The following LRRTM4 variants were observed in gnomAD, a reference collection of about 807,000 sequenced individuals.
LRRTM4 encodes the protein leucine-rich repeat transmembrane neuronal protein 4.
LRRTM4 carries 25 observed loss-of-function variants against 47.6 expected under a neutral mutation model. That is an observed-to-expected ratio of 0.53 (90% CI 0.38 to 0.73). The LOEUF (loss-of-function observed/expected upper bound fraction) is 0.73. Among genes scored for constraint, LRRTM4 ranks in the 30% least tolerant of loss-of-function variants. The probability of loss-of-function intolerance (pLI) is 0.00; values close to 1 mark genes in which losing one functional copy is unlikely to be tolerated. For missense variants in LRRTM4, 638 were observed against 713.4 expected (o/e 0.89, Z 1.20); for synonymous variants, 311 against 269.5 (o/e 1.15, Z -1.51).
At chr2:76,975,628 G>T (rs1021085527) in intron 3 of LRRTM4, among the ~76,000 whole-genome samples, 1 of 151,574 alleles carries the variant, frequency 6.6e-6, no homozygotes, top group Non-Finnish European at 1.5e-5. Context: ...CCAGAAGATG[G>T]TCATGAAGCC....
At chr2:76,801,520 G>A (rs1389777747) in intron 3 of LRRTM4, among the ~76,000 whole-genome samples, 1 of 152,068 alleles carries the variant, frequency 6.6e-6, no homozygotes, top group Admixed American at 6.6e-5. Flanking sequence ...GTTGTGGTGT[G>A]GGGGGAGGGG....
intron 3 of LRRTM4, among the ~76,000 whole-genome samples, chr2:77,184,830 C>T (rs1673454237): frequency 6.6e-6 from 1 of 152,080 alleles, no homozygotes; most frequent in Admixed American, 6.6e-5. Flanking sequence ...CAGAAAGATA[C>T]TCTGGTATCT....
chr2:76,995,756 A>T (rs1222289464), intron 3 of LRRTM4, among the ~76,000 whole-genome samples: 3 of 152,014 alleles, frequency 2.0e-5, no homozygotes, highest in Non-Finnish European at 4.4e-5. Context: ...GAACTCTGTA[A>T]CTCCAATATA....
chr2:77,466,395 A>G (rs929343862), intron 3 of LRRTM4, among the ~76,000 whole-genome samples: 1 of 152,206 alleles, frequency 6.6e-6, no homozygotes, highest in African/African-American at 2.4e-5. Flanking sequence ...CAAGTTTTAC[A>G]GTTTCAAACG....
Position 77,107,366 on chromosome 2 carries a change from G to A in LRRTM4, c.1552-358450C>T, listed in dbSNP as rs563781230. Reference sequence around the variant, plus strand: ...GTTAAAAATAAATACTTAGGAGAACGTCAGAGAATCTTTTATATGGTAAAA... The same window carrying A: ...GTTAAAAATAAATACTTAGGAGAACATCAGAGAATCTTTTATATGGTAAAA... On this transcript the variant is annotated intron_variant, in intron 3 of 3. Coordinates refer to ENST00000409884, the MANE Select transcript of LRRTM4 (RefSeq NM_001134745.3). Among the ~76,000 whole-genome samples, 52 of 152,238 alleles carry A rather than the reference G, an allele frequency of 3.4e-4. No homozygotes were observed. The South Asian group carries it at 8.7e-3, about 25-fold the overall frequency.
At chr2:76,987,032 T>C (rs1272041695) in intron 3 of LRRTM4, among the ~76,000 whole-genome samples, 1 of 151,972 alleles carries the variant, frequency 6.6e-6, no homozygotes, top group Non-Finnish European at 1.5e-5. Flanking sequence ...TTCTTTTATT[T>C]ATTTTTTAGA....
chr2:76,968,540 A>C (rs1207471419), intron 3 of LRRTM4, among the ~76,000 whole-genome samples: 2 of 151,158 alleles, frequency 1.3e-5, no homozygotes, highest in Non-Finnish European at 3.0e-5. Context: ...TATCTCTTCA[A>C]CAGCTAGGCT....
chr2:77,521,973 C>T (rs1476115446), intron 1 of LRRTM4, 136 bp downstream of exon 1: 1 of 645,296 alleles, frequency 1.5e-6, no homozygotes, highest in Non-Finnish European at 2.8e-6. Flanking sequence ...GGCCTCTAGG[C>T]TCTGAGGACC....
At chr2:77,308,919 CAACAAA>C (rs919168859) in intron 3 of LRRTM4, among the ~76,000 whole-genome samples, 6 of 151,950 alleles carry the variant, frequency 3.9e-5, no homozygotes, top group Middle Eastern at 3.4e-3. Context: ...ACTCAAGAAA[CAACAAA>C]AACAAAAACA....
At chr2:77,041,015 G>A (rs1679011438) in intron 3 of LRRTM4, among the ~76,000 whole-genome samples, 1 of 151,168 alleles carries the variant, frequency 6.6e-6, no homozygotes, top group South Asian at 2.1e-4. Flanking sequence ...CAGAACAACA[G>A]AACTTCTTTC....
chr2:77,506,190 G>T (rs939249385), intron 3 of LRRTM4, among the ~76,000 whole-genome samples: 1 of 151,506 alleles, frequency 6.6e-6, no homozygotes, highest in African/African-American at 2.4e-5. Context: ...AGAATTTTAC[G>T]TTAGTATTAA....
chr2:77,051,949 C>T (rs866133227), intron 3 of LRRTM4, among the ~76,000 whole-genome samples: 1 of 152,002 alleles, frequency 6.6e-6, no homozygotes. Flanking sequence ...GTCTTAAATG[C>T]TTTCATTTCC....
chr2:77,019,264 A>G (rs1448056995), intron 3 of LRRTM4, among the ~76,000 whole-genome samples: 4 of 151,010 alleles, frequency 2.6e-5, no homozygotes, highest in Admixed American at 2.0e-4. Flanking sequence ...AAAAAAAAAA[A>G]AAAAAAAAAA....
At chr2:76,923,949 T>C (rs191027931) in intron 3 of LRRTM4, among the ~76,000 whole-genome samples, 20 of 152,228 alleles carry the variant, frequency 1.3e-4, no homozygotes, top group Middle Eastern at 6.8e-3. Flanking sequence ...GCATCCTCAA[T>C]ATTACTGTGG....
chr2:76,816,580 A>C (rs1001422444), intron 3 of LRRTM4, among the ~76,000 whole-genome samples: 3 of 150,580 alleles, frequency 2.0e-5, no homozygotes, highest in African/African-American at 7.3e-5. Context: ...TTTTTTTTGG[A>C]ATCTGTATTT....
chr2:77,140,971 A>T lies in LRRTM4; in HGVS notation c.1551+377347T>A, dbSNP rs866709558. Reference sequence around the variant, plus strand: ...GGTGATCATTAAAAAGTCAGGAAACAACAGGTGCTGGAGAGGATGTGGAGA... The same window carrying T: ...GGTGATCATTAAAAAGTCAGGAAACTACAGGTGCTGGAGAGGATGTGGAGA... On this transcript the variant is annotated intron_variant, in intron 3 of 3. Coordinates refer to ENST00000409884, the MANE Select transcript of LRRTM4 (RefSeq NM_001134745.3). Among the ~76,000 whole-genome samples the T allele has an allele frequency of 4.6e-5, 7 of 152,310 alleles. No homozygotes were observed. In the South Asian group the frequency reaches 1.4e-3, roughly 32 times the overall value.
intron 3 of LRRTM4, among the ~76,000 whole-genome samples, chr2:77,001,716 C>T (rs1358496574): frequency 6.6e-6 from 1 of 152,132 alleles, no homozygotes. Context: ...TTGCGAGAGA[C>T]ACTGAAGGAC....
At chr2:76,840,781 G>T (rs1671651330) in intron 3 of LRRTM4, among the ~76,000 whole-genome samples, 1 of 152,122 alleles carries the variant, frequency 6.6e-6, no homozygotes, top group African/African-American at 2.4e-5. Flanking sequence ...AACAACAGGT[G>T]CTGGAGAGGA....
At chr2:76,826,687 A>G (rs1671200255) in intron 3 of LRRTM4, among the ~76,000 whole-genome samples, 2 of 151,852 alleles carry the variant, frequency 1.3e-5, no homozygotes, top group Admixed American at 1.3e-4. Flanking sequence ...CATTCAGAAG[A>G]AAGGTTTGGT....
Sources: gnomAD v4.1 joint callset for allele counts (sites outside exome capture counted in the v4.1 genomes callset) on GRCh38, gnomAD v4.1.1 for gene constraint, MANE v1.5 for transcripts, NCBI Gene and HGNC (gene_info 2026-07-23, HGNC 2026-07-21) for gene names.